The following PZP variants were observed in gnomAD, a reference collection of about 807,000 sequenced individuals.
PZP encodes the protein PZP alpha-2-macroglobulin like, also known as pregnancy zone protein.
In PZP, 150 loss-of-function variants were observed where a neutral mutation model predicts 179.8. The observed-to-expected ratio is 0.83, with a 90% CI of 0.73 to 0.96. The LOEUF (loss-of-function observed/expected upper bound fraction) is 0.96. Among genes scored for constraint, PZP ranks in the 40% least tolerant of loss-of-function variants. The pLI is 0.00. For missense variants in PZP, 1,689 were observed against 1,764.0 expected (o/e 0.96, Z 0.76); for synonymous variants, 624 against 652.3 (o/e 0.96, Z 0.66).
chr12:9,149,506 C>A, intron 35 of PZP, 55 bp downstream of exon 35: 2 of 1,506,398 alleles, frequency 1.3e-6, no homozygotes, highest in South Asian at 2.4e-5. Context: ...TTGCAGGGGC[C>A]CTTGGAGAGT....
chr12:9,195,358 A>G (rs1732686814), intron 10 of PZP, among the ~76,000 whole-genome samples: 2 of 151,884 alleles, frequency 1.3e-5, no homozygotes, highest in African/African-American at 4.8e-5. Context: ...ACACATGAGA[A>G]TGTTTTCTTC....
intron 25 of PZP, 79 bp from the exon 26 acceptor site, chr12:9,158,655 C>A (rs7309811): frequency 2.8e-6 from 4 of 1,417,624 alleles, no homozygotes; most frequent in Admixed American, 2.2e-5. Flanking sequence ...ACAGGCTCCC[C>A]CATCACAGTG....
chr12:9,165,801 G>T (rs1193178756), intron 18 of PZP, among the ~76,000 whole-genome samples: 1 of 152,136 alleles, frequency 6.6e-6, no homozygotes, highest in African/African-American at 2.4e-5. Context: ...AGTATATATA[G>T]AACTGAATAT....
chr12:9,172,126 A>T (rs1942047708), intron 15 of PZP, among the ~76,000 whole-genome samples: 1 of 152,222 alleles, frequency 6.6e-6, no homozygotes, highest in Non-Finnish European at 1.5e-5. Flanking sequence ...GAAACATATC[A>T]TACTAACAGT....
At chr12:9,143,480 G>A in the PZP span, among the ~76,000 whole-genome samples, 1 of 152,104 alleles carries the variant, frequency 6.6e-6, no homozygotes, top group African/African-American at 2.4e-5. Flanking sequence ...TCAGAGGAAG[G>A]GGTTTAGAAG....
Position 9,148,966 on chromosome 12 carries a change from T to C in PZP, c.*6A>G. 6.2e-7 allele frequency: 1 copy of C among 1,608,958 alleles called. No individual in the cohort carries two copies. Among genetic ancestry groups the C allele is most frequent in the East Asian group, 2.2e-5 (1 of 44,852 alleles). ...AATCCACCAAAATATACAGCCTGTA[T>C]GGTCCTCAAACATTTCCATGCTCTG... On this transcript the variant is annotated 3_prime_UTR_variant, in exon 36 of 36. Transcript: ENST00000261336.
chr12:9,144,014 C>T (rs1939873030), downstream of PZP, among the ~76,000 whole-genome samples: 1 of 152,234 alleles, frequency 6.6e-6, no homozygotes, highest in Non-Finnish European at 1.5e-5. Context: ...CCCACTGGTC[C>T]TCTGAGGATC....
chr12:9,208,214 A>G, intron 1 of PZP, 45 bp downstream of exon 1: 1 of 1,469,084 alleles, frequency 6.8e-7, no homozygotes, highest in Non-Finnish European at 9.5e-7. Context: ...CACAAGGGAG[A>G]GACTGAAACG....
At position 9,200,404 on chromosome 12, in the gene PZP, T is replaced by G; in HGVS notation, c.715A>C (p.Ser239Arg). The G allele has an allele frequency of 6.2e-7, 1 of 1,611,506 alleles. No individual in the cohort carries two copies. Among genetic ancestry groups the G allele is most frequent in the East Asian group, 2.2e-5 (1 of 44,810 alleles). ...EVKVQVPKII[S>R]IMDEKVNITV... is the part of the protein sequence containing the mutation. The stretch of plus-strand genomic sequence containing the variant: ...ATGTTCACTTTTTCATCCATGATAC[T>G]GATTATCTTTGGCACCTGAACTTTG... Residue 239 changes from serine (S) to arginine (R), a missense_variant, in exon 7 of 36, where the codon AGT becomes CGT. Transcript: ENST00000261336.
At chr12:9,206,064 G>T (rs1010158971) in intron 1 of PZP, among the ~76,000 whole-genome samples, 2 of 152,154 alleles carry the variant, frequency 1.3e-5, no homozygotes, top group African/African-American at 4.8e-5. Flanking sequence ...GCTGAGGGCA[G>T]TTCAGTAACT....
the PZP span, among the ~76,000 whole-genome samples, chr12:9,138,929 A>T: frequency 1.4e-5 from 2 of 147,712 alleles, no homozygotes; most frequent in South Asian, 2.1e-4. Context: ...TTCTTGTTTT[A>T]TTTATTTCTT....
chr12:9,168,661 C>A, intron 17 of PZP: 1 of 460,156 alleles, frequency 2.2e-6, no homozygotes, highest in Non-Finnish European at 3.8e-6. Context: ...GATTTTGTGC[C>A]CTGAAGTATC....
chr12:9,193,804 G>A (rs1302688436), intron 11 of PZP, among the ~76,000 whole-genome samples: 1 of 152,090 alleles, frequency 6.6e-6, no homozygotes, highest in Non-Finnish European at 1.5e-5. Flanking sequence ...TACTGAAGCA[G>A]CTGATATTGT....
At position 9,164,116 on chromosome 12, in the gene PZP, T is replaced by G; in HGVS notation, c.2614+17A>C. ...GTCCTTGTTGATTGATAGGCCCTTTTGGGTACTGTCACTCACCCAGAGTTT... is the reference window on the plus strand; with the variant it reads ...GTCCTTGTTGATTGATAGGCCCTTTGGGGTACTGTCACTCACCCAGAGTTT... On this transcript the variant is annotated intron_variant, in intron 20 of 35. Coordinates refer to ENST00000261336, the MANE Select transcript of PZP (RefSeq NM_002864.3). 1 of 1,606,162 alleles carries G rather than the reference T, an allele frequency of 6.2e-7. No homozygotes were observed. The highest frequency in any genetic ancestry group is 8.5e-7 in the Non-Finnish European group (1 of 1,173,530).
chr12:9,162,466 A>G (rs572199447), intron 22 of PZP, 131 bp downstream of exon 22: 166 of 675,366 alleles, frequency 2.5e-4, no homozygotes, highest in Middle Eastern at 2.2e-3. Context: ...ACATAAAGAA[A>G]TATTTAGTAT....
At chr12:9,166,589 T>G (rs1052805881) in intron 17 of PZP, among the ~76,000 whole-genome samples, 12 of 152,210 alleles carry the variant, frequency 7.9e-5, no homozygotes, top group African/African-American at 2.7e-4. Flanking sequence ...GTTGCTATAC[T>G]AAAAATGAAA....
In PZP at chr12:9,170,900, G is replaced by T. The variant is rs1306496075; in HGVS notation, c.1840-1309C>A. On this transcript the variant is annotated intron_variant, in intron 15 of 35. Transcript: ENST00000261336. The surrounding 1 kb of genome is among the most constrained non-coding windows in gnomAD (Gnocchi z 4.6). Reference sequence around the variant, plus strand: ...GGGTGTCTGCCATCTCTGCAGTTTGGTTGACTCTGCCACTCCAACCTGCTG... The same window carrying T: ...GGGTGTCTGCCATCTCTGCAGTTTGTTTGACTCTGCCACTCCAACCTGCTG... 6.6e-6 allele frequency among the ~76,000 whole-genome samples: 1 copy of T among 152,156 alleles called. No homozygotes were observed. Among genetic ancestry groups the T allele is most frequent in the Non-Finnish European group, 1.5e-5 (1 of 68,028 alleles).
intron 2 of PZP, 105 bp downstream of exon 2, chr12:9,203,663 T>TA: frequency 4.4e-6 from 6 of 1,375,282 alleles, no homozygotes; most frequent in Non-Finnish European, 6.0e-6. Flanking sequence ...ACTACATTCT[T>TA]AAAGTCATAC....
chr12:9,200,271 G>T, intron 7 of PZP, 93 bp downstream of exon 7: 1 of 783,802 alleles, frequency 1.3e-6, no homozygotes, highest in Non-Finnish European at 2.0e-6. Context: ...TTACAAAAGT[G>T]CTGAGGCAAA....
Sources: allele counts gnomAD v4.1 joint callset (sites outside exome capture counted in the v4.1 genomes callset), GRCh38; gene constraint gnomAD v4.1.1; non-coding constraint Gnocchi (gnomAD v3.1); transcripts MANE v1.5; gene names NCBI Gene and HGNC (gene_info 2026-07-23, HGNC 2026-07-21).